Variants in CORO2B observed in about 807,000 individuals in gnomAD.
CORO2B encodes coronin 2B, also known as coronin-2B.
In CORO2B, 26 loss-of-function variants were observed where a neutral mutation model predicts 58.8. The observed-to-expected ratio is 0.44, with a 90% confidence interval of 0.32 to 0.61. The LOEUF (loss-of-function observed/expected upper bound fraction) is 0.61, where lower values mean the gene tolerates loss of function less well. Ranked by LOEUF, CORO2B falls within the 20% of genes least tolerant of loss-of-function variation. The probability of loss-of-function intolerance (pLI) is 0.04; values close to 1 mark genes in which losing one functional copy is unlikely to be tolerated. For synonymous variants in CORO2B, 242 were observed against 253.8 expected (o/e 0.95, Z 0.44); for missense variants, 460 against 645.1 (o/e 0.71, Z 3.11).
intron 1 of CORO2B, among the ~76,000 whole-genome samples, chr15:68,619,201 G>A (rs959862815): frequency 6.6e-6 from 1 of 152,164 alleles, no homozygotes; most frequent in African/African-American, 2.4e-5. Flanking sequence ...CCCAATCTGT[G>A]TTACTCTTCC....
chr15:68,674,832 A>G (rs759547337), intron 2 of CORO2B, among the ~76,000 whole-genome samples: 23 of 152,160 alleles, frequency 1.5e-4, no homozygotes, highest in Admixed American at 1.0e-3. Context: ...ACCTGCCTTC[A>G]GGAATATTCT....
chr15:68,556,975 C>A, the CORO2B span, among the ~76,000 whole-genome samples: 1 of 152,214 alleles, frequency 6.6e-6, no homozygotes, highest in African/African-American at 2.4e-5. Context: ...CAGCCTCACT[C>A]AAGGACTCAG....
At chr15:68,657,809 A>G (rs1901864620) in intron 2 of CORO2B, among the ~76,000 whole-genome samples, 1 of 152,226 alleles carries the variant, frequency 6.6e-6, no homozygotes, top group Admixed American at 6.5e-5. Context: ...GTTAGAGGCT[A>G]GTGAAAATAT....
At chr15:68,646,693 C>T (rs1901441380) in intron 2 of CORO2B, among the ~76,000 whole-genome samples, 1 of 152,210 alleles carries the variant, frequency 6.6e-6, no homozygotes, top group Non-Finnish European at 1.5e-5. Flanking sequence ...ATGGTAAAAG[C>T]AGGATCAGAA....
the CORO2B span, among the ~76,000 whole-genome samples, chr15:68,543,913 G>A: frequency 2.0e-5 from 3 of 152,216 alleles, no homozygotes; most frequent in South Asian, 2.1e-4. Flanking sequence ...AGGAAGCCCC[G>A]CCATGACTCC....
At chr15:68,624,680 TTTTTTC>T (rs200387130) in intron 1 of CORO2B, among the ~76,000 whole-genome samples, 2,425 of 151,794 alleles carry the variant, frequency 0.016, 68 homozygotes, top group African/African-American at 0.056. Context: ...CTCTGTTTTT[TTTTTTC>T]TTTTCTTTTC....
chr15:68,655,746 C>T (rs1901782363), intron 2 of CORO2B, among the ~76,000 whole-genome samples: 1 of 152,186 alleles, frequency 6.6e-6, no homozygotes, highest in Non-Finnish European at 1.5e-5. Flanking sequence ...TAGTGGAATT[C>T]CAGTCTGCAG....
chr15:68,524,306 G>C, the CORO2B span, among the ~76,000 whole-genome samples: 1 of 152,132 alleles, frequency 6.6e-6, no homozygotes, highest in Non-Finnish European at 1.5e-5. Flanking sequence ...ATTGTAACCA[G>C]AAGTAAAAGT....
At chr15:68,522,597 G>C in the CORO2B span, among the ~76,000 whole-genome samples, 4 of 151,996 alleles carry the variant, frequency 2.6e-5, no homozygotes, top group African/African-American at 9.7e-5. Context: ...TTACAGGTGC[G>C]TGCCACCATG....
intron 8 of CORO2B, 137 bp from the exon 9 acceptor site, chr15:68,718,561 C>G (rs1319748836): frequency 1.4e-6 from 1 of 707,728 alleles, no homozygotes; most frequent in African/African-American, 1.7e-5. Flanking sequence ...CGGTCTACCC[C>G]CTGCCCTCTG....
chr15:68,646,659 C>T (rs1368331512), intron 2 of CORO2B, among the ~76,000 whole-genome samples: 1 of 152,212 alleles, frequency 6.6e-6, no homozygotes. Flanking sequence ...GTCACTTCAC[C>T]TCTCTGACCC....
At chr15:68,569,534 A>G in the CORO2B span, among the ~76,000 whole-genome samples, 1 of 152,182 alleles carries the variant, frequency 6.6e-6, no homozygotes, top group Admixed American at 6.5e-5. Flanking sequence ...TTATCTGTTC[A>G]CCTACTGAAG....
chr15:68,645,429 A>G lies in CORO2B; in HGVS notation c.216+69A>G. 6.8e-7 allele frequency: 1 copy of G among 1,467,318 alleles called. No homozygotes were observed. 90.9% of individuals were successfully genotyped at this position (1,467,318 alleles called of 1,614,324 possible). ...AGAGGAGCCCTCCTTGGTCTCTCTT[A>G]GGCCTGTTGACCCTACTTCTCTCTG... On this transcript the variant is annotated intron_variant, in intron 2 of 11. Coordinates refer to ENST00000261861, the MANE Select transcript of CORO2B (RefSeq NM_006091.5). This position sits in a 1 kb window ranked among gnomAD's most constrained non-coding sequence, Gnocchi z 4.5.
At chr15:68,722,139 C>T (rs1443758339) in intron 11 of CORO2B, among the ~76,000 whole-genome samples, 1 of 152,172 alleles carries the variant, frequency 6.6e-6, no homozygotes, top group East Asian at 1.9e-4. Context: ...TAACAAGGGC[C>T]TGAGCTCAGT....
chr15:68,579,347 G>T, intron 1 of CORO2B, 70 bp downstream of exon 1: 1 of 1,228,322 alleles, frequency 8.1e-7, no homozygotes. Flanking sequence ...GCTGCGGGGG[G>T]CGCGGGGGTG....
chr15:68,685,357 C>T (rs1472596250), intron 2 of CORO2B, among the ~76,000 whole-genome samples: 4 of 152,034 alleles, frequency 2.6e-5, no homozygotes, highest in Non-Finnish European at 4.4e-5. Flanking sequence ...ATTACAGGCA[C>T]GTGTCACCAC....
At chr15:68,633,143 A>T (rs773662480) in intron 1 of CORO2B, among the ~76,000 whole-genome samples, 1 of 152,010 alleles carries the variant, frequency 6.6e-6, no homozygotes, top group Non-Finnish European at 1.5e-5. Context: ...GGTCACTTCT[A>T]TGGAGCAGAG....
chr15:68,535,802 G>A, the CORO2B span, among the ~76,000 whole-genome samples: 16,555 of 152,162 alleles, frequency 0.11, 950 homozygotes, highest in Middle Eastern at 0.13. Context: ...TAAGAACATC[G>A]TTTGATTCTG....
intron 1 of CORO2B, among the ~76,000 whole-genome samples, chr15:68,617,478 C>T (rs996115764): frequency 2.0e-5 from 3 of 152,216 alleles, no homozygotes; most frequent in Non-Finnish European, 4.4e-5. Flanking sequence ...CTTGCCCATA[C>T]TGGACCTCCA....
Sources: allele counts gnomAD v4.1 joint callset (sites outside exome capture counted in the v4.1 genomes callset), GRCh38; gene constraint gnomAD v4.1.1; non-coding constraint Gnocchi (gnomAD v3.1); transcripts MANE v1.5; gene names NCBI Gene and HGNC (gene_info 2026-07-23, HGNC 2026-07-21).